ASPRV1: variants seen among roughly 807,000 people sequenced by gnomAD.
ASPRV1 encodes retroviral-like aspartic protease 1.
Under a neutral mutation model 11.0 loss-of-function variants are expected in ASPRV1, and 7 were observed. That is an observed-to-expected ratio of 0.64 (90% CI 0.36 to 1.20). ASPRV1 has a LOEUF of 1.20. ASPRV1 is among the 50% of genes most tolerant of loss of function. The pLI, the probability that ASPRV1 is intolerant of heterozygous loss-of-function variation, is 0.02. For missense variants in ASPRV1, 299 were observed against 320.0 expected (o/e 0.93, Z 0.50); for synonymous variants, 136 against 138.4 (o/e 0.98, Z 0.12).
At chr2:70,060,968 A>G in the ASPRV1 span, among the ~76,000 whole-genome samples, 5 of 152,226 alleles carry the variant, frequency 3.3e-5, no homozygotes, top group African/African-American at 1.2e-4. Flanking sequence ...GCCCTCACAG[A>G]GCTTAAAACC....
At chr2:69,978,784 C>A in the ASPRV1 span, among the ~76,000 whole-genome samples, 1 of 152,170 alleles carries the variant, frequency 6.6e-6, no homozygotes, top group African/African-American at 2.4e-5. Context: ...CCTCAGAGGT[C>A]ATGGAACCCT....
chr2:69,947,257 G>A, the ASPRV1 span, among the ~76,000 whole-genome samples: 1 of 152,346 alleles, frequency 6.6e-6, no homozygotes, highest in East Asian at 1.9e-4. Context: ...AGAGTAAAGA[G>A]ATAATCAGGA....
At chr2:70,008,354 G>C in the ASPRV1 span, among the ~76,000 whole-genome samples, 1 of 152,142 alleles carries the variant, frequency 6.6e-6, no homozygotes, top group African/African-American at 2.4e-5. Context: ...CATTGATTAT[G>C]GTAAGCTTCA....
the ASPRV1 span, among the ~76,000 whole-genome samples, chr2:69,997,729 G>A: frequency 6.6e-6 from 1 of 152,182 alleles, no homozygotes; most frequent in Non-Finnish European, 1.5e-5. Flanking sequence ...AATGACCTGG[G>A]GAGGCATTTA....
chr2:70,025,693 G>A, the ASPRV1 span, among the ~76,000 whole-genome samples: 1 of 152,200 alleles, frequency 6.6e-6, no homozygotes, highest in African/African-American at 2.4e-5. Flanking sequence ...CCTGGAAGGT[G>A]GGGTGAGATT....
chr2:70,046,682 C>T, the ASPRV1 span: 34 of 152,098 alleles, frequency 2.2e-4, 1 homozygote, highest in African/African-American at 8.0e-4. Flanking sequence ...GGAGGGTGGT[C>T]GAAAAGGCTG....
chr2:70,072,771 G>T, the ASPRV1 span, among the ~76,000 whole-genome samples: 6 of 151,782 alleles, frequency 4.0e-5, no homozygotes, highest in African/African-American at 1.5e-4. Context: ...ATAATTTTTT[G>T]CAGGGCATGG....
chr2:70,013,875 C>T, the ASPRV1 span, among the ~76,000 whole-genome samples: 3 of 151,760 alleles, frequency 2.0e-5, no homozygotes, highest in East Asian at 1.9e-4. Flanking sequence ...AGTGAAACTC[C>T]GTCTCAAAAC....
the ASPRV1 span, among the ~76,000 whole-genome samples, chr2:70,044,135 T>TG: frequency 6.6e-6 from 1 of 152,154 alleles, no homozygotes; most frequent in African/African-American, 2.4e-5. Context: ...TACTTCCAGT[T>TG]AACATGACCA....
chr2:69,956,478 A>AGAAG (rs780393687), downstream of ASPRV1, among the ~76,000 whole-genome samples: 95 of 124,030 alleles, frequency 7.7e-4, no homozygotes, highest in East Asian at 2.1e-3. Flanking sequence ...AAGAAGAAGA[A>AGAAG]AAGAGGAAGA....
chr2:70,018,527 C>G, the ASPRV1 span, among the ~76,000 whole-genome samples: 1 of 152,106 alleles, frequency 6.6e-6, no homozygotes, highest in Admixed American at 6.6e-5. Flanking sequence ...CCAAAATATA[C>G]TACAAAGCTG....
the ASPRV1 span, among the ~76,000 whole-genome samples, chr2:70,026,630 A>AG: frequency 2.7e-4 from 41 of 152,190 alleles, 1 homozygote; most frequent in East Asian, 7.7e-3. Flanking sequence ...TAAAATACTT[A>AG]GGTACAAATT....
At chr2:69,940,864 C>G in the ASPRV1 span, 61 of 152,824 alleles carry the variant, frequency 4.0e-4, no homozygotes, top group African/African-American at 1.4e-3. Flanking sequence ...GCTAATCCCC[C>G]CAACCCCATC....
At chr2:69,956,478 A>AGAAGAAG (rs780393687), downstream of ASPRV1, among the ~76,000 whole-genome samples, 55 of 124,300 alleles carry the variant, frequency 4.4e-4, no homozygotes, top group East Asian at 1.8e-3. Flanking sequence ...AAGAAGAAGA[A>AGAAGAAG]AAGAGGAAGA....
chr2:70,037,483 C>A, the ASPRV1 span, among the ~76,000 whole-genome samples: 24 of 152,182 alleles, frequency 1.6e-4, no homozygotes, highest in Admixed American at 4.6e-4. Flanking sequence ...TGCACCACCA[C>A]TCCTGGCTAA....
the ASPRV1 span, among the ~76,000 whole-genome samples, chr2:69,983,726 T>C: frequency 6.6e-6 from 1 of 152,206 alleles, no homozygotes; most frequent in African/African-American, 2.4e-5. Context: ...TGAGGGATTC[T>C]CATGTGCGGT....
chr2:70,042,046 CTG>C, the ASPRV1 span, among the ~76,000 whole-genome samples: 2 of 152,238 alleles, frequency 1.3e-5, no homozygotes, highest in East Asian at 3.9e-4. Context: ...CTTTCCAAAA[CTG>C]TATTCCACCA....
the ASPRV1 span, among the ~76,000 whole-genome samples, chr2:69,937,933 A>G: frequency 6.6e-6 from 1 of 151,900 alleles, no homozygotes. Context: ...TATTAGTAGA[A>G]ACAGGGTTTC....
At chr2:69,933,200 C>T in the ASPRV1 span, among the ~76,000 whole-genome samples, 1 of 80,140 alleles carries the variant, frequency 1.2e-5, no homozygotes, top group Admixed American at 1.7e-4. Context: ...AACTCTGTCT[C>T]AAAAAAAAAA....
Sources: allele counts gnomAD v4.1 joint callset (sites outside exome capture counted in the v4.1 genomes callset), GRCh38; gene constraint gnomAD v4.1.1; transcripts MANE v1.5; gene names NCBI Gene and HGNC (gene_info 2026-07-23, HGNC 2026-07-21).